RBFOX2: variants seen among roughly 807,000 people sequenced by gnomAD.
RBFOX2 encodes RNA binding protein fox-1 homolog 2.
Under a neutral mutation model 49.1 loss-of-function variants are expected in RBFOX2, and 10 were observed. That is an observed-to-expected ratio of 0.20 (90% CI 0.13 to 0.35). The LOEUF (loss-of-function observed/expected upper bound fraction) is 0.35, where lower values mean the gene tolerates loss of function less well. Among genes scored for constraint, RBFOX2 ranks in the 10% least tolerant of loss-of-function variants. The pLI, the probability that RBFOX2 is intolerant of heterozygous loss-of-function variation, is 1.00. For missense variants in RBFOX2, 323 were observed against 486.9 expected (o/e 0.66, Z 3.17); for synonymous variants, 183 against 187.4 (o/e 0.98, Z 0.19).
chr22:35,889,862 G>A (rs913472433), intron 1 of RBFOX2, among the ~76,000 whole-genome samples: 6 of 152,138 alleles, frequency 3.9e-5, no homozygotes, highest in Admixed American at 1.3e-4. Flanking sequence ...CCTGAATAAG[G>A]TGTTGTTATT....
chr22:35,995,988 T>C (rs1224401409), intron 1 of RBFOX2: 4 of 151,716 alleles, frequency 2.6e-5, no homozygotes, highest in African/African-American at 9.7e-5. Flanking sequence ...CTGGGCAAAA[T>C]CCAGAGGACA....
intron 1 of RBFOX2, among the ~76,000 whole-genome samples, chr22:35,891,539 A>T (rs1335389496): frequency 3.9e-5 from 6 of 152,232 alleles, no homozygotes; most frequent in African/African-American, 1.4e-4. Flanking sequence ...TATTAAGAAG[A>T]CAGAATTGAA....
At chr22:35,951,094 C>G (rs1388449499) in intron 1 of RBFOX2, among the ~76,000 whole-genome samples, 1 of 151,486 alleles carries the variant, frequency 6.6e-6, no homozygotes, top group Non-Finnish European at 1.5e-5. Context: ...GCTGGGATTA[C>G]AGGCGCGTGC....
intron 1 of RBFOX2, among the ~76,000 whole-genome samples, chr22:35,909,479 A>C (rs2049520256): frequency 2.0e-5 from 3 of 152,220 alleles, no homozygotes; most frequent in Admixed American, 2.0e-4. Context: ...GCATTTTACA[A>C]GTTGTCAAAA....
intron 1 of RBFOX2, among the ~76,000 whole-genome samples, chr22:35,817,029 T>C (rs1358887911): frequency 2.0e-5 from 3 of 152,208 alleles, no homozygotes; most frequent in Non-Finnish European, 2.9e-5. Context: ...ACCCTGGTAC[T>C]TACTGGTGTA....
intron 1 of RBFOX2, among the ~76,000 whole-genome samples, chr22:35,975,018 C>T (rs953213733): frequency 6.6e-6 from 1 of 152,152 alleles, no homozygotes. Context: ...GAGGAGCAAC[C>T]TTTTCTGTTA....
intron 1 of RBFOX2, among the ~76,000 whole-genome samples, chr22:35,971,719 G>C (rs1006828815): frequency 6.6e-6 from 1 of 151,980 alleles, no homozygotes; most frequent in East Asian, 1.9e-4. Context: ...TGAGACGGTT[G>C]CTCTTGAGCT....
intron 1 of RBFOX2, among the ~76,000 whole-genome samples, chr22:35,957,273 T>C (rs2055674616): frequency 6.6e-6 from 1 of 152,184 alleles, no homozygotes; most frequent in Admixed American, 6.6e-5. Flanking sequence ...GCCTGTTCCT[T>C]AATGGGGTGG....
At chr22:35,864,723 A>C (rs1052728333) in intron 1 of RBFOX2, among the ~76,000 whole-genome samples, 2 of 152,232 alleles carry the variant, frequency 1.3e-5, no homozygotes, top group Non-Finnish European at 2.9e-5. Context: ...CTTAAGACCA[A>C]ATGTGTATTT....
chr22:35,828,498 G>A (rs1956203908), intron 1 of RBFOX2, among the ~76,000 whole-genome samples: 1 of 152,188 alleles, frequency 6.6e-6, no homozygotes, highest in African/African-American at 2.4e-5. Context: ...AAGATCTCAA[G>A]TACTCAGTTG....
intron 1 of RBFOX2, among the ~76,000 whole-genome samples, chr22:35,872,143 T>C (rs1219158945): frequency 6.6e-6 from 1 of 152,166 alleles, no homozygotes; most frequent in Non-Finnish European, 1.5e-5. Flanking sequence ...ATTACTGGGG[T>C]TGCTCTTAGA....
chr22:35,838,268 T>C (rs555034890), intron 1 of RBFOX2, among the ~76,000 whole-genome samples: 1 of 151,898 alleles, frequency 6.6e-6, no homozygotes, highest in South Asian at 2.1e-4. Context: ...TCTTTTCTTT[T>C]TTTTTTTTTA....
chr22:35,938,793 G>GA, intron 1 of RBFOX2, 54 bp downstream of exon 2: 1 of 1,529,532 alleles, frequency 6.5e-7, no homozygotes, highest in Middle Eastern at 1.7e-4. Context: ...GCAACCCTTT[G>GA]ATGAAACACA....
At chr22:35,852,864 C>A (rs2042098599) in intron 1 of RBFOX2, among the ~76,000 whole-genome samples, 1 of 152,102 alleles carries the variant, frequency 6.6e-6, no homozygotes, top group Non-Finnish European at 1.5e-5. Flanking sequence ...TAATTCAAAT[C>A]CTAAAACAAC....
chr22:35,952,793 A>T (rs1445431291), intron 1 of RBFOX2, among the ~76,000 whole-genome samples: 4 of 152,234 alleles, frequency 2.6e-5, no homozygotes, highest in African/African-American at 9.7e-5. Flanking sequence ...TTCTTCAAAA[A>T]GTTAAATATA....
At chr22:35,778,900 G>C (rs2147055156) in intron 3 of RBFOX2, among the ~76,000 whole-genome samples, 1 of 152,264 alleles carries the variant, frequency 6.6e-6, no homozygotes, top group Non-Finnish European at 1.5e-5. Context: ...GCCTGCCAAA[G>C]CATATATTGC....
At chr22:36,014,233 T>G (rs1165712232) in intron 1 of RBFOX2, among the ~76,000 whole-genome samples, 2 of 152,090 alleles carry the variant, frequency 1.3e-5, no homozygotes, top group Non-Finnish European at 2.9e-5. Flanking sequence ...GCCATTCTCC[T>G]GCCTCAGCCT....
upstream of RBFOX2, among the ~76,000 whole-genome samples, chr22:35,843,568 GTCT>G (rs555581107): frequency 2.2e-4 from 34 of 152,252 alleles, no homozygotes; most frequent in South Asian, 7.0e-3. Flanking sequence ...GACATTTTAT[GTCT>G]TCTTTGATTT....
At chr22:35,889,332 T>C (rs1375643532) in intron 1 of RBFOX2, among the ~76,000 whole-genome samples, 3 of 152,152 alleles carry the variant, frequency 2.0e-5, no homozygotes, top group African/African-American at 2.4e-5. Context: ...CAGACCTAGG[T>C]GGCCATGTAA....
Sources: gnomAD v4.1 joint callset for allele counts (sites outside exome capture counted in the v4.1 genomes callset) on GRCh38, gnomAD v4.1.1 for gene constraint, MANE v1.5 for transcripts, NCBI Gene and HGNC (gene_info 2026-07-23, HGNC 2026-07-21) for gene names.